Variants in LCT observed in about 807,000 individuals in gnomAD.
LCT encodes the protein lactase/phlorizin hydrolase.
Under a neutral mutation model 173.0 loss-of-function variants are expected in LCT, and 90 were observed. That is an observed-to-expected ratio of 0.52 (90% confidence interval 0.44 to 0.62). The LOEUF is 0.62. LCT is among the 20% of genes least tolerant of loss of function. LCT has a pLI of 0.00. For synonymous variants in LCT, 853 were observed against 957.6 expected, an observed-to-expected ratio of 0.89 and a Z score of 2.02; for missense variants, 1,864 against 2,431.4, an observed-to-expected ratio of 0.77 and a Z score of 4.91.
chr2:135,809,637 G>C lies in LCT; in HGVS notation c.2710C>G (p.Arg904Gly). The C allele has an allele frequency of 6.2e-7, 1 of 1,614,172 alleles. No individual in the cohort carries two copies. The highest frequency in any genetic ancestry group is 8.5e-7 in the Non-Finnish European group (1 of 1,180,016). The change falls in exon 8 of 17, where the codon CGG (arginine) becomes GGG (glycine). Residue 904 changes from arginine (R) to glycine (G), a missense_variant. By Grantham distance (125) the Arg-to-Gly change is moderately radical (BLOSUM62 -2). Coordinates refer to ENST00000264162, the MANE Select transcript of LCT (RefSeq NM_002299.4). The surrounding 1 kb of genome is among the most constrained non-coding windows in gnomAD (Gnocchi z 5.5). ...ERDLFYHGTF[R>G]DDFLWGVSSS... ...GACACGCCCCACAGAAAGTCATCCC[G>C]AAACGTCCCGTGGTAGAACAAATCT...
rs961431405 is a variant in LCT at position 135,809,616 on chromosome 2, C to T, written c.2731G>A (p.Val911Met). 1.9e-6 allele frequency: 3 copies of T among 1,614,084 alleles called. No individual in the cohort carries two copies. Among genetic ancestry groups the T allele is most frequent in the African/African-American group, 1.3e-5 (1 of 74,924 alleles). Residue 911 changes from valine (V) to methionine (M), a missense_variant, in exon 8 of 17, where the codon GTG becomes ATG. Val to Met is a conservative substitution (Grantham distance 21). Transcript: ENST00000264162. The surrounding 1 kb of genome is among the most constrained non-coding windows in gnomAD (Gnocchi z 5.5). ...GTFRDDFLWG[V>M]SSSAYQIEGA... ...TCAATCTGATAAGCGGAAGAGGACA[C>T]GCCCCACAGAAAGTCATCCCGAAAC...
intron 6 of LCT, among the ~76,000 whole-genome samples, chr2:135,813,858 T>C (rs1051440601): frequency 5.3e-5 from 8 of 152,240 alleles, no homozygotes; most frequent in African/African-American, 1.9e-4. Context: ...ACTAGGAGTT[T>C]CTTTGTAGAC....
chr2:135,809,075 T>C lies in LCT; in HGVS notation c.3272A>G (p.Tyr1091Cys). The C allele has an allele frequency of 6.2e-7, 1 of 1,613,898 alleles. No homozygotes were observed. The highest frequency in any genetic ancestry group is 8.5e-7 in the Non-Finnish European group (1 of 1,180,038). The change falls in exon 8 of 17, where the codon TAT (tyrosine) becomes TGT (cysteine). Residue 1091 changes from tyrosine (Y) to cysteine (C), a missense_variant. Physicochemically the swap from Tyr to Cys is radical, Grantham distance 194. Coordinates refer to ENST00000264162, the MANE Select transcript of LCT (RefSeq NM_002299.4). The surrounding 1 kb of genome is among the most constrained non-coding windows in gnomAD (Gnocchi z 5.5). The stretch of plus-strand genomic sequence containing the variant: ...TTTGATGACGGCGTGGGCTATCCTA[T>C]ATGGTGCCCAGCCTGGGTCCTTCAC... Reference protein sequence around the residue: ...PGVKDPGWAPYRIAHAVIKAH... With the variant: ...PGVKDPGWAPCRIAHAVIKAH...
intron 6 of LCT, among the ~76,000 whole-genome samples, chr2:135,816,900 G>C: frequency 6.7e-6 from 1 of 150,180 alleles, no homozygotes. Context: ...ACAGGGTCTT[G>C]CTCTGTTGAC....
At chr2:135,807,039 C>T in intron 9 of LCT, 89 bp downstream of exon 9, 1 of 1,448,172 alleles carries the variant, frequency 6.9e-7, no homozygotes, top group Non-Finnish European at 9.7e-7. Context: ...ATCTCCTGTT[C>T]ATGCATCTGC....
Position 135,817,854 on chromosome 2 carries a change from T to C in LCT, c.1194A>G (p.Glu398=). 5.0e-6 allele frequency: 8 copies of C among 1,614,006 alleles called. No homozygotes were observed. The highest frequency in any genetic ancestry group is 6.8e-6 in the Non-Finnish European group (8 of 1,180,002). ...CTCTCCCACCCTCGGCCCAGCCTCC[T>C]TCCACGTTAAAGGCTCCTGTGGAGG... ...WGASTGAFNV[E]GGWAEGGRGV... The change falls in exon 6 of 17, where the codon GAA becomes GAG. Residue 398 remains glutamate (E), a synonymous_variant. Transcript: ENST00000264162.
At chr2:135,816,783 T>C (rs1194741461) in intron 6 of LCT, among the ~76,000 whole-genome samples, 1 of 152,210 alleles carries the variant, frequency 6.6e-6, no homozygotes, top group African/African-American at 2.4e-5. Flanking sequence ...TGAGCCTCAC[T>C]CATCCATCAG....
At chr2:135,825,348 G>A (rs1285339455) in intron 3 of LCT, among the ~76,000 whole-genome samples, 5 of 152,336 alleles carry the variant, frequency 3.3e-5, no homozygotes, top group Admixed American at 2.6e-4. Context: ...CCATGACTGC[G>A]CAGTTAGTGG....
At chr2:135,813,172 G>A (rs2077749823) in intron 6 of LCT, among the ~76,000 whole-genome samples, 1 of 152,122 alleles carries the variant, frequency 6.6e-6, no homozygotes, top group Non-Finnish European at 1.5e-5. Context: ...ATGTTAACAA[G>A]TCAATAATAA....
At chr2:135,830,126 G>A (rs984364505) in intron 2 of LCT, among the ~76,000 whole-genome samples, 2 of 152,050 alleles carry the variant, frequency 1.3e-5, no homozygotes, top group Admixed American at 6.6e-5. Flanking sequence ...AATCCTACCG[G>A]GTGTTTGGTT....
At chr2:135,826,527 C>T (rs1307360344) in intron 3 of LCT, among the ~76,000 whole-genome samples, 1 of 151,832 alleles carries the variant, frequency 6.6e-6, no homozygotes, top group African/African-American at 2.4e-5. Context: ...GATCATGCCA[C>T]GGGGCACTCC....
At position 135,788,625 on chromosome 2, in the gene LCT, CACGGT is replaced by C. The variant is rs1035972807; in HGVS notation, c.5564-86_5564-82del. On this transcript the variant is annotated intron_variant, in intron 16 of 16. Transcript: ENST00000264162. Reference sequence around the variant, plus strand: ...ATCTCTGAGACCCCAGCAGAGGCTGCACGGTACCCCAAATCCGCACAGCCATTGAC... The same window carrying C: ...ATCTCTGAGACCCCAGCAGAGGCTGCACCCCAAATCCGCACAGCCATTGAC... 5 of 895,332 alleles carry C rather than the reference CACGGT, an allele frequency of 5.6e-6. No individual in the cohort carries two copies. In the African/African-American group the frequency reaches 6.5e-5, roughly 12 times the overall value. 55.5% of individuals were successfully genotyped at this position (895,332 alleles called of 1,614,324 possible). A position where few individuals can be genotyped will look rare whatever the true frequency, so the allele number is the denominator to read the frequency against.
rs766780718 is a variant in LCT, at chr2:135,809,712, T to C, written c.2635A>G (p.Lys879Glu). 3 of 1,614,260 alleles carry C rather than the reference T, an allele frequency of 1.9e-6. No homozygotes were observed. Among genetic ancestry groups the C allele is most frequent in the South Asian group, 2.2e-5 (2 of 91,086 alleles). Reference sequence around the variant, plus strand: ...AACTTTTCCCAAACGACTTTAGCCTTGGAGGGCACCTCAGATGGAAAAGTG... The same window carrying C: ...AACTTTTCCCAAACGACTTTAGCCTCGGAGGGCACCTCAGATGGAAAAGTG... The part of the protein sequence containing the change: ...AFTFPSEVPS[K>E]AKVVWEKFSS... Residue 879 changes from lysine (K) to glutamate (E), a missense_variant, in exon 8 of 17, where the codon AAG becomes GAG. By Grantham distance (56) the Lys-to-Glu change is moderately conservative (BLOSUM62 1). Transcript: ENST00000264162. This position sits in a 1 kb window ranked among gnomAD's most constrained non-coding sequence, Gnocchi z 5.5.
chr2:135,826,157 T>G (rs979260458), intron 3 of LCT, among the ~76,000 whole-genome samples: 3 of 152,126 alleles, frequency 2.0e-5, no homozygotes, highest in African/African-American at 7.2e-5. Flanking sequence ...TGCAGAACAT[T>G]TATAAATGGC....
At chr2:135,831,167 G>A (rs984683431) in intron 2 of LCT, among the ~76,000 whole-genome samples, 9 of 152,196 alleles carry the variant, frequency 5.9e-5, no homozygotes, top group Non-Finnish European at 8.8e-5. Flanking sequence ...CTAAGGGTCC[G>A]GGTGGGGACA....
rs146467199 is a variant in LCT, at chr2:135,809,061, C to T, written c.3286G>A (p.Ala1096Thr). 8.2e-4 allele frequency: 1,326 copies of T among 1,613,452 alleles called. 1 individual carries two copies. The highest frequency in any genetic ancestry group is 9.7e-4 in the Non-Finnish European group (1,147 of 1,179,810). ...ACTCTGGCATGGGCTTTGATGACGG[C>T]GTGGGCTATCCTATATGGTGCCCAG... ...PGWAPYRIAHAVIKAHARVYH... is the reference protein window; with the variant it reads ...PGWAPYRIAHTVIKAHARVYH... The change falls in exon 8 of 17, where the codon GCC becomes ACC. Residue 1096 changes from alanine to threonine, a missense_variant. Physicochemically the swap from Ala to Thr is moderately conservative, Grantham distance 58. Transcript: ENST00000264162. The surrounding 1 kb of genome is among the most constrained non-coding windows in gnomAD (Gnocchi z 5.5).
chr2:135,826,440 C>T (rs1444309805), intron 3 of LCT, among the ~76,000 whole-genome samples: 2 of 151,278 alleles, frequency 1.3e-5, no homozygotes, highest in Non-Finnish European at 2.9e-5. Context: ...GTGGCGGGCA[C>T]CTGTAGTCCC....
chr2:135,810,748 C>A (rs1261617193), intron 7 of LCT, among the ~76,000 whole-genome samples: 1 of 150,786 alleles, frequency 6.6e-6, no homozygotes, highest in African/African-American at 2.4e-5. Flanking sequence ...AAAATGTGGC[C>A]AGGCGTGGTG....
chr2:135,810,230 T>C lies in LCT; in HGVS notation c.2354-237A>G, dbSNP rs144864087. On this transcript the variant is annotated intron_variant, in intron 7 of 16. Coordinates refer to ENST00000264162, the MANE Select transcript of LCT (RefSeq NM_002299.4). ...AGGGTATTAGAAGCTGTTTGATCTG[T>C]AACTGGTTGTGAACAGTCAACTGAG... 2.2e-3 allele frequency: 1,083 copies of C among 501,072 alleles called. 12 individuals are homozygous for C. The highest frequency in any genetic ancestry group is 0.021 in the Admixed American group (599 of 28,544). The allele number at this position is 501,072 out of a possible 1,614,324, so 31.0% of individuals were successfully genotyped here. A position where few individuals can be genotyped will look rare whatever the true frequency, so the allele number is the denominator to read the frequency against.
Sources: allele counts gnomAD v4.1 joint callset (sites outside exome capture counted in the v4.1 genomes callset), GRCh38; gene constraint gnomAD v4.1.1; non-coding constraint Gnocchi (gnomAD v3.1); transcripts MANE v1.5; gene names NCBI Gene and HGNC (gene_info 2026-07-23, HGNC 2026-07-21).